The following DNAH6 variants were observed in gnomAD, a reference collection of about 807,000 sequenced individuals.
DNAH6 encodes axonemal beta dynein heavy chain 6.
A neutral mutation model predicts 491.4 loss-of-function variants in DNAH6; 340 were observed. The ratio of observed to expected loss-of-function variants is 0.69; its 90% CI spans 0.63 to 0.76. The LOEUF is 0.76. Among genes scored for constraint, DNAH6 ranks in the 30% least tolerant of loss-of-function variants. The pLI, the probability that DNAH6 is intolerant of heterozygous loss-of-function variation, is 0.00. For missense variants in DNAH6, 4,443 were observed against 4,972.2 expected, an observed-to-expected ratio of 0.89 and a Z score of 3.20; for synonymous variants, 1,603 against 1,686.1, an observed-to-expected ratio of 0.95 and a Z score of 1.21.
intron 70 of DNAH6, among the ~76,000 whole-genome samples, chr2:84,802,432 AAACT>A (rs1415564892): frequency 6.6e-6 from 1 of 152,224 alleles, no homozygotes; most frequent in African/African-American, 2.4e-5. Context: ...ATCAGACCCT[AAACT>A]AACAAGAATA....
In DNAH6 at chr2:84,581,749, T is replaced by TTTTCAAAGA. The variant is rs1291351706; in HGVS notation, c.2229+2072_2229+2080dup. Among the ~76,000 whole-genome samples the TTTTCAAAGA allele has an allele frequency of 8.5e-5, 13 of 152,286 alleles. No individual in the cohort carries two copies. In the Middle Eastern group the frequency reaches 0.01, roughly 120 times the overall value. On this transcript the variant is annotated intron_variant, in intron 14 of 76. Coordinates refer to ENST00000389394, the MANE Select transcript of DNAH6 (RefSeq NM_001370.2). ...TGAACTCTATGTAGCTAAAGCAGTA[T>TTTTCAAAGA]TTTCAAAGATAGGAGAGAATAAATT...
chr2:84,651,477 G>A (rs1690448974), intron 33 of DNAH6, among the ~76,000 whole-genome samples: 1 of 152,166 alleles, frequency 6.6e-6, no homozygotes, highest in African/African-American at 2.4e-5. Flanking sequence ...GGATTTTTCT[G>A]TGGTGTTTGG....
At chr2:84,689,075 C>T (rs960176197) in intron 45 of DNAH6, among the ~76,000 whole-genome samples, 1 of 152,198 alleles carries the variant, frequency 6.6e-6, no homozygotes, top group African/African-American at 2.4e-5. Context: ...TATCTGCAGT[C>T]CTTGGGGCAC....
At chr2:84,657,121 G>A (rs150333912) in intron 35 of DNAH6, among the ~76,000 whole-genome samples, 5 of 151,798 alleles carry the variant, frequency 3.3e-5, no homozygotes, top group African/African-American at 7.2e-5. Flanking sequence ...TTGCTTTTTC[G>A]TTAAAAATCA....
chr2:84,773,673 C>T (rs1017810725), intron 64 of DNAH6, among the ~76,000 whole-genome samples: 1 of 151,964 alleles, frequency 6.6e-6, no homozygotes, highest in African/African-American at 2.4e-5. Context: ...AATTAGTTTA[C>T]ATTGTGAACA....
At chr2:84,801,849 A>C (rs1282938888) in intron 70 of DNAH6, among the ~76,000 whole-genome samples, 7 of 151,122 alleles carry the variant, frequency 4.6e-5, no homozygotes, top group Non-Finnish European at 8.9e-5. Context: ...ACGCCATTGC[A>C]CTCCAGCCTG....
At position 84,762,728 on chromosome 2, in the gene DNAH6, T is replaced by C. The variant is rs1243162319; in HGVS notation, c.10513-27T>C. On this transcript the variant is annotated intron_variant, in intron 63 of 76. Coordinates refer to ENST00000389394, the MANE Select transcript of DNAH6 (RefSeq NM_001370.2). ...AATTATGAAGGATCCTCATTCAACA[T>C]ACTTTTTTTTTCTTTTCAACTTTCA... 2.7e-6 allele frequency: 4 copies of C among 1,493,462 alleles called. No homozygotes were observed. In the Admixed American group the frequency reaches 8.4e-5, roughly 32 times the overall value. The allele number at this position is 1,493,462 out of a possible 1,614,324, so 92.5% of individuals were successfully genotyped here.
chr2:84,492,601 T>A, the DNAH6 span, among the ~76,000 whole-genome samples: 1 of 152,258 alleles, frequency 6.6e-6, no homozygotes, highest in Non-Finnish European at 1.5e-5. Context: ...AGTTTCCAAC[T>A]TTAAAGAAAT....
chr2:84,655,812 G>A (rs758714522), intron 35 of DNAH6, among the ~76,000 whole-genome samples: 1 of 152,066 alleles, frequency 6.6e-6, no homozygotes, highest in Non-Finnish European at 1.5e-5. Context: ...AACCACTATT[G>A]ATACATTATT....
At chr2:84,734,126 C>G (rs1699338333) in intron 62 of DNAH6, among the ~76,000 whole-genome samples, 1 of 150,124 alleles carries the variant, frequency 6.7e-6, no homozygotes, top group Non-Finnish European at 1.5e-5. Flanking sequence ...ATATATAGCC[C>G]TTTCAATTCT....
intron 4 of DNAH6, among the ~76,000 whole-genome samples, chr2:84,539,236 C>T (rs1270825896): frequency 6.6e-6 from 1 of 152,076 alleles, no homozygotes; most frequent in Non-Finnish European, 1.5e-5. Context: ...TTTCTCTTCC[C>T]TGGTTTACAT....
At chr2:84,645,552 T>C (rs1213222673) in intron 33 of DNAH6, among the ~76,000 whole-genome samples, 2 of 152,250 alleles carry the variant, frequency 1.3e-5, no homozygotes, top group African/African-American at 4.8e-5. Flanking sequence ...GCATGTGGTG[T>C]CTTCTTTAGA....
At chr2:84,485,811 C>G in the DNAH6 span, among the ~76,000 whole-genome samples, 3 of 151,866 alleles carry the variant, frequency 2.0e-5, no homozygotes, top group African/African-American at 7.3e-5. Flanking sequence ...CTTCCACCCT[C>G]TCCACACTAA....
intron 68 of DNAH6, among the ~76,000 whole-genome samples, chr2:84,789,999 A>G (rs1399708316): frequency 2.0e-5 from 3 of 152,366 alleles, no homozygotes; most frequent in African/African-American, 7.2e-5. Context: ...CATTGCTTAC[A>G]AAAATGTTTT....
chr2:84,810,636 G>A (rs932311008), intron 72 of DNAH6, among the ~76,000 whole-genome samples: 4 of 152,190 alleles, frequency 2.6e-5, no homozygotes, highest in Non-Finnish European at 4.4e-5. Context: ...TTCCCCTTGG[G>A]AACAGCCAGG....
In DNAH6 at chr2:84,697,606, A is replaced by G. The variant is rs1695515035; in HGVS notation, c.7556A>G (p.Asn2519Ser). Residue 2519 changes from asparagine (N) to serine (S), a missense_variant, in exon 47 of 77, where the codon AAT becomes AGT. By Grantham distance (46) the Asn-to-Ser change is conservative (BLOSUM62 1). Around this residue, in one of 3 missense-constraint regions of DNAH6, gnomAD observed 2,977 missense variants for 3,296.6 expected, o/e 0.90. Coordinates refer to ENST00000389394, the MANE Select transcript of DNAH6 (RefSeq NM_001370.2). ...IVVEEFLEDI[N>S]NILNSGEVPN... ...GTGGAGGAGTTCCTAGAAGATATAA[A>G]TAACATCCTGAACTCAGGTGAAGTG... is the stretch of plus-strand genomic sequence containing the variant. 7 of 1,552,010 alleles carry G rather than the reference A, an allele frequency of 4.5e-6. No homozygotes were observed. Among genetic ancestry groups the G allele is most frequent in the Non-Finnish European group, 6.1e-6 (7 of 1,147,014 alleles).
At chr2:84,547,763 G>A (rs1376202643) in intron 7 of DNAH6, among the ~76,000 whole-genome samples, 151 bp downstream of exon 7, 1 of 152,022 alleles carries the variant, frequency 6.6e-6, no homozygotes, top group Non-Finnish European at 1.5e-5. Flanking sequence ...AATGTATTTT[G>A]TGGAAGGGAG....
At chr2:84,653,274 T>C (rs1277942486) in intron 33 of DNAH6, 45 bp from the exon 34 acceptor site, 7 of 1,381,404 alleles carry the variant, frequency 5.1e-6, no homozygotes, top group Non-Finnish European at 6.8e-6. Flanking sequence ...CGGGAAAATA[T>C]CAATGACCAG....
At chr2:84,522,538 C>T (rs1161786176) in intron 2 of DNAH6, among the ~76,000 whole-genome samples, 1 of 152,016 alleles carries the variant, frequency 6.6e-6, no homozygotes, top group East Asian at 1.9e-4. Context: ...GAGAGGGCAT[C>T]CTTATCTTGT....
Sources: gnomAD v4.1 joint callset for allele counts (sites outside exome capture counted in the v4.1 genomes callset) on GRCh38, gnomAD v4.1.1 for gene constraint, gnomAD v4.1.1 regional missense constraint, MANE v1.5 for transcripts, NCBI Gene and HGNC (gene_info 2026-07-23, HGNC 2026-07-21) for gene names.